The following RAPGEF5 variants were observed in gnomAD, a reference collection of about 807,000 sequenced individuals.
RAPGEF5 encodes Rap guanine nucleotide exchange factor 5.
RAPGEF5 carries 65 observed loss-of-function variants against 125.2 expected under a neutral mutation model. The observed-to-expected ratio is 0.52, with a 90% CI of 0.43 to 0.64. RAPGEF5 has a LOEUF of 0.64. Among genes scored for constraint, RAPGEF5 ranks in the 30% least tolerant of loss-of-function variants. The pLI is 0.00. For synonymous variants in RAPGEF5, 391 were observed against 385.9 expected, an observed-to-expected ratio of 1.01 and a Z score of -0.16; for missense variants, 958 against 1,048.1, an observed-to-expected ratio of 0.91 and a Z score of 1.19.
intron 7 of RAPGEF5, among the ~76,000 whole-genome samples, chr7:22,244,105 T>C (rs965388019): frequency 6.6e-6 from 1 of 152,172 alleles, no homozygotes; most frequent in African/African-American, 2.4e-5. Context: ...AGTTTATCCA[T>C]GTTGTTGCAA....
intron 9 of RAPGEF5, among the ~76,000 whole-genome samples, chr7:22,205,169 C>G (rs887261809): frequency 2.6e-5 from 4 of 152,228 alleles, no homozygotes; most frequent in Non-Finnish European, 5.9e-5. Context: ...CTTTGCTCCA[C>G]AACCTGTGAT....
At chr7:22,193,568 A>T in intron 10 of RAPGEF5, 113 bp from the exon 11 acceptor site, 1 of 1,551,598 alleles carries the variant, frequency 6.4e-7, no homozygotes, top group Non-Finnish European at 8.7e-7. Flanking sequence ...GGCACATCGA[A>T]GGTAGGCAAG....
intron 6 of RAPGEF5, among the ~76,000 whole-genome samples, chr7:22,279,918 T>C (rs974518398): frequency 6.6e-6 from 1 of 152,156 alleles, no homozygotes; most frequent in Non-Finnish European, 1.5e-5. Flanking sequence ...AAAGCTGTGC[T>C]GTGTTGGGAT....
intron 17 of RAPGEF5, among the ~76,000 whole-genome samples, chr7:22,153,874 G>C (rs1162912005): frequency 6.6e-6 from 1 of 152,232 alleles, no homozygotes; most frequent in Admixed American, 6.5e-5. Flanking sequence ...TAGATCAATA[G>C]TGTCAGCTTG....
chr7:22,197,271 G>A (rs1208401707), intron 9 of RAPGEF5, among the ~76,000 whole-genome samples: 1 of 152,120 alleles, frequency 6.6e-6, no homozygotes, highest in Non-Finnish European at 1.5e-5. Flanking sequence ...AAGGAAATAA[G>A]TCAGCTTGAA....
chr7:22,121,082 T>C lies in RAPGEF5; in HGVS notation c.*1324A>G, dbSNP rs536359305. The C allele has an allele frequency of 6.6e-6, 1 of 152,318 alleles. No homozygotes were observed. Among genetic ancestry groups the C allele is most frequent in the Non-Finnish European group, 1.5e-5 (1 of 68,030 alleles). 9.4% of individuals were successfully genotyped at this position (152,318 alleles called of 1,614,324 possible). The stretch of plus-strand genomic sequence containing the variant: ...TAGCAGGCAGGGGTGGATTTCATTA[T>C]TTTGACCCATAGGCTGTTTTGTTCA... On this transcript the variant is annotated 3_prime_UTR_variant, in exon 26 of 26. Transcript: ENST00000665637.
chr7:22,327,931 T>C (rs893920900), intron 1 of RAPGEF5, among the ~76,000 whole-genome samples: 3 of 152,212 alleles, frequency 2.0e-5, no homozygotes, highest in African/African-American at 7.2e-5. Flanking sequence ...TAAAATTATA[T>C]AAAGAGCTTA....
At chr7:22,347,858 T>C (rs1784252882) in intron 1 of RAPGEF5, among the ~76,000 whole-genome samples, 1 of 152,216 alleles carries the variant, frequency 6.6e-6, no homozygotes, top group African/African-American at 2.4e-5. Context: ...ATTTGTTAAA[T>C]ATTAATAGTT....
At chr7:22,326,277 T>C (rs1323876443) in intron 1 of RAPGEF5, among the ~76,000 whole-genome samples, 1 of 152,120 alleles carries the variant, frequency 6.6e-6, no homozygotes, top group African/African-American at 2.4e-5. Flanking sequence ...CCTCCGGGGG[T>C]CACCAGGCCT....
At chr7:22,263,275 C>A (rs1276953843) in intron 7 of RAPGEF5, among the ~76,000 whole-genome samples, 1 of 152,130 alleles carries the variant, frequency 6.6e-6, no homozygotes, top group African/African-American at 2.4e-5. Flanking sequence ...AAAATGTTAT[C>A]ATTGGGGTAA....
chr7:22,148,789 G>A (rs889580697), intron 18 of RAPGEF5, among the ~76,000 whole-genome samples: 5 of 152,178 alleles, frequency 3.3e-5, no homozygotes, highest in African/African-American at 7.2e-5. Flanking sequence ...AGAAGGCCAC[G>A]TATGGGTGGC....
intron 2 of RAPGEF5, 35 bp from the exon 3 acceptor site, chr7:22,315,511 C>T (rs991476805): frequency 2.3e-6 from 3 of 1,320,492 alleles, no homozygotes; most frequent in South Asian, 2.0e-5. Flanking sequence ...AAATATAGAA[C>T]AATAATGTGA....
chr7:22,297,187 G>A (rs1481735896), intron 5 of RAPGEF5, among the ~76,000 whole-genome samples: 1 of 152,200 alleles, frequency 6.6e-6, no homozygotes, highest in Non-Finnish European at 1.5e-5. Flanking sequence ...AGAGGAAAAA[G>A]CTGATGAAGC....
Position 22,266,946 on chromosome 7 carries a change from C to T in RAPGEF5, c.796+18G>A, listed in dbSNP as rs1322164245. 6.3e-7 allele frequency: 1 copy of T among 1,595,682 alleles called. No homozygotes were observed. Among genetic ancestry groups the T allele is most frequent in the African/African-American group, 1.3e-5 (1 of 74,458 alleles). On this transcript the variant is annotated intron_variant, in intron 7 of 25. Coordinates refer to ENST00000665637, the MANE Select transcript of RAPGEF5 (RefSeq NM_012294.5). ...AAAGAATTAGAATCTTCCTCCAGCC[C>T]CATAAAAGATGACTTACCAGACTTC...
At chr7:22,184,355 C>G (rs1315110114) in intron 11 of RAPGEF5, among the ~76,000 whole-genome samples, 1 of 152,140 alleles carries the variant, frequency 6.6e-6, no homozygotes, top group Non-Finnish European at 1.5e-5. Context: ...ATAAACTACT[C>G]TACATTTTTC....
At chr7:22,156,673 T>G (rs1583423644) in intron 16 of RAPGEF5, 137 bp downstream of exon 16, 3 of 1,356,652 alleles carry the variant, frequency 2.2e-6, no homozygotes, top group Non-Finnish European at 3.0e-6. Context: ...AGAAAAACCA[T>G]GCTGTTTGAG....
At chr7:22,334,471 T>C (rs897882558) in intron 1 of RAPGEF5, among the ~76,000 whole-genome samples, 1 of 152,192 alleles carries the variant, frequency 6.6e-6, no homozygotes, top group Non-Finnish European at 1.5e-5. Flanking sequence ...CATGAAGAAC[T>C]GAAACAAAGT....
intron 4 of RAPGEF5, among the ~76,000 whole-genome samples, 193 bp from the exon 5 acceptor site, chr7:22,308,700 T>C (rs1330397954): frequency 6.6e-6 from 1 of 152,216 alleles, no homozygotes; most frequent in Non-Finnish European, 1.5e-5. Flanking sequence ...CTATTTTTAC[T>C]ACTAGAAGCT....
intron 16 of RAPGEF5, among the ~76,000 whole-genome samples, chr7:22,155,247 T>C (rs918703646): frequency 6.6e-6 from 1 of 152,234 alleles, no homozygotes; most frequent in African/African-American, 2.4e-5. Flanking sequence ...CTTTTTAATT[T>C]CCTTTTTATT....
Sources: allele counts gnomAD v4.1 joint callset (sites outside exome capture counted in the v4.1 genomes callset), GRCh38; gene constraint gnomAD v4.1.1; transcripts MANE v1.5; gene names NCBI Gene and HGNC (gene_info 2026-07-23, HGNC 2026-07-21).